The following TTLL5 variants were observed in gnomAD, a reference collection of about 807,000 sequenced individuals.
The protein encoded by TTLL5 is tubulin tyrosine ligase like 5.
Under a neutral mutation model 168.4 loss-of-function variants are expected in TTLL5, and 132 were observed. That is an observed-to-expected ratio of 0.78 (90% CI 0.68 to 0.91). The LOEUF (loss-of-function observed/expected upper bound fraction) is 0.91. Ranked by LOEUF, TTLL5 falls within the 40% of genes least tolerant of loss-of-function variation. TTLL5 has a pLI of 0.00. For missense variants in TTLL5, 1,545 were observed against 1,581.5 expected (o/e 0.98, Z 0.39); for synonymous variants, 546 against 558.6 (o/e 0.98, Z 0.32).
intron 7 of TTLL5, 137 bp downstream of exon 7, chr14:75,699,407 A>G: frequency 3.8e-6 from 3 of 788,080 alleles, no homozygotes; most frequent in Non-Finnish European, 4.2e-6. Flanking sequence ...AAGTGAGTTA[A>G]GCGTAGGTAT....
At chr14:75,908,917 C>G (rs2033255992) in intron 31 of TTLL5, among the ~76,000 whole-genome samples, 1 of 152,082 alleles carries the variant, frequency 6.6e-6, no homozygotes, top group Admixed American at 6.5e-5. Flanking sequence ...GCTGTGACTA[C>G]AGGCATGTGC....
At chr14:75,754,691 C>T (rs1281029733) in intron 18 of TTLL5, among the ~76,000 whole-genome samples, 1 of 152,106 alleles carries the variant, frequency 6.6e-6, no homozygotes, top group Non-Finnish European at 1.5e-5. Context: ...AGATCTAATA[C>T]CTACCGTAAT....
intron 12 of TTLL5, among the ~76,000 whole-genome samples, chr14:75,725,523 A>G (rs1205569310): frequency 1.3e-5 from 2 of 152,180 alleles, no homozygotes; most frequent in Admixed American, 6.5e-5. Context: ...TGTTTTATAG[A>G]CATGGAAAAA....
intron 26 of TTLL5, among the ~76,000 whole-genome samples, chr14:75,785,095 G>T (rs1211866571): frequency 4.9e-5 from 7 of 143,036 alleles, no homozygotes; most frequent in African/African-American, 1.8e-4. Context: ...CAGTTTATCT[G>T]TTTTTTTTCT....
chr14:75,910,177 A>T (rs1262492621), intron 31 of TTLL5, among the ~76,000 whole-genome samples: 1 of 152,208 alleles, frequency 6.6e-6, no homozygotes, highest in African/African-American at 2.4e-5. Flanking sequence ...GAGAGGAGTG[A>T]TGATTCTTCA....
intron 31 of TTLL5, among the ~76,000 whole-genome samples, chr14:75,910,171 G>A (rs1026306170): frequency 1.3e-5 from 2 of 152,298 alleles, no homozygotes; most frequent in Admixed American, 6.5e-5. Flanking sequence ...TCCCAAGAGA[G>A]GAGTGATGAT....
intron 31 of TTLL5, among the ~76,000 whole-genome samples, chr14:75,910,034 A>G (rs1044269684): frequency 3.9e-5 from 6 of 152,376 alleles, no homozygotes; most frequent in African/African-American, 1.2e-4. Flanking sequence ...CTAAGAATCT[A>G]TCCAAAAGGG....
At chr14:75,677,430 C>T (rs1423831449) in intron 3 of TTLL5, among the ~76,000 whole-genome samples, 1 of 133,854 alleles carries the variant, frequency 7.5e-6, no homozygotes, top group Non-Finnish European at 1.6e-5. Flanking sequence ...GGGTCTCACC[C>T]TGTCACTCAG....
intron 27 of TTLL5, among the ~76,000 whole-genome samples, chr14:75,815,701 A>T (rs925415295): frequency 1.3e-5 from 2 of 152,220 alleles, no homozygotes; most frequent in Non-Finnish European, 1.5e-5. Flanking sequence ...ATGATATTTT[A>T]AAAATCTCTA....
At chr14:75,787,599 C>T (rs529645562) in intron 26 of TTLL5, among the ~76,000 whole-genome samples, 14 of 152,256 alleles carry the variant, frequency 9.2e-5, no homozygotes, top group African/African-American at 3.1e-4. Flanking sequence ...ATACACTAAA[C>T]AGATTTTTAA....
At position 75,683,658 on chromosome 14, in the gene TTLL5, T is replaced by A; in HGVS notation, c.371+2T>A. Reference sequence around the variant, plus strand: ...ACAAAAAGTTAATCACTTTCCCAGGTAATGCTCTTTGTAGCTGCTTTGCTT... The same window carrying A: ...ACAAAAAGTTAATCACTTTCCCAGGAAATGCTCTTTGTAGCTGCTTTGCTT... On this transcript the variant is annotated splice_donor_variant, in intron 5 of 31. Coordinates refer to ENST00000298832, the MANE Select transcript of TTLL5 (RefSeq NM_015072.5). LOFTEE classifies it high-confidence loss of function. 1 of 1,611,344 alleles carries A rather than the reference T, an allele frequency of 6.2e-7. No homozygotes were observed. Among genetic ancestry groups the A allele is most frequent in the Non-Finnish European group, 8.5e-7 (1 of 1,177,556 alleles).
intron 27 of TTLL5, among the ~76,000 whole-genome samples, chr14:75,811,576 T>C (rs1894033702): frequency 6.6e-6 from 1 of 152,186 alleles, no homozygotes; most frequent in African/African-American, 2.4e-5. Context: ...CTAGTAATTA[T>C]AAATTCCAAC....
chr14:75,932,990 G>A (rs2034323763), intron 31 of TTLL5, among the ~76,000 whole-genome samples: 1 of 152,168 alleles, frequency 6.6e-6, no homozygotes, highest in South Asian at 2.1e-4. Flanking sequence ...AGCAAAGTTT[G>A]AAGCAAAGAA....
At chr14:75,712,786 T>C (rs1248867023) in intron 9 of TTLL5, among the ~76,000 whole-genome samples, 1 of 152,160 alleles carries the variant, frequency 6.6e-6, no homozygotes, top group Admixed American at 6.5e-5. Flanking sequence ...ATCACTATCT[T>C]GATTCTCAGT....
chr14:75,846,117 C>G (rs1178239016), intron 28 of TTLL5, among the ~76,000 whole-genome samples: 1 of 152,206 alleles, frequency 6.6e-6, no homozygotes, highest in Admixed American at 6.5e-5. Context: ...ACATCAGTAG[C>G]CTGAAGAGGC....
chr14:75,882,757 T>A lies in TTLL5; in HGVS notation c.3595T>A (p.Ser1199Thr), dbSNP rs1410598298. ...GAATAATGGTGCAGGTTGTAGAATTTCCAGTGCCACAGCTAGTGGCCAGAA... is the reference window on the plus strand; with the variant it reads ...GAATAATGGTGCAGGTTGTAGAATTACCAGTGCCACAGCTAGTGGCCAGAA... Reference protein sequence around the residue: ...TMNNGAGCRISSATASGQKPT... With the variant: ...TMNNGAGCRITSATASGQKPT... Residue 1199 changes from serine (S) to threonine (T), a missense_variant, in exon 30 of 32, where the codon TCC (serine) becomes ACC (threonine). Physicochemically the swap from Ser to Thr is moderately conservative, Grantham distance 58. Transcript: ENST00000298832. The A allele has an allele frequency of 1.9e-6, 3 of 1,613,952 alleles. No homozygotes were observed. In the African/African-American group the frequency reaches 4.0e-5, roughly 22 times the overall value.
At chr14:75,857,293 T>C (rs389352) in intron 28 of TTLL5, among the ~76,000 whole-genome samples, 136,604 of 152,030 alleles carry the variant, frequency 0.9, 61,534 homozygotes, top group African/African-American at 0.95. Context: ...ATATGATAGA[T>C]TTTTTTTCTA....
intron 17 of TTLL5, among the ~76,000 whole-genome samples, chr14:75,750,373 C>A (rs1475212260): frequency 6.6e-6 from 1 of 151,622 alleles, no homozygotes; most frequent in Non-Finnish European, 1.5e-5. Flanking sequence ...ATGCCTGAAA[C>A]TGTGGACAGT....
intron 30 of TTLL5, among the ~76,000 whole-genome samples, chr14:75,892,430 C>A (rs1312397413): frequency 6.6e-6 from 1 of 152,214 alleles, no homozygotes. Context: ...AAGTGCCCTA[C>A]AAGAGGAGAA....
Sources: allele counts gnomAD v4.1 joint callset (sites outside exome capture counted in the v4.1 genomes callset), GRCh38; gene constraint gnomAD v4.1.1; transcripts MANE v1.5; gene names NCBI Gene and HGNC (gene_info 2026-07-23, HGNC 2026-07-21).